LPCAT4: variants seen among roughly 807,000 people sequenced by gnomAD.
LPCAT4 encodes lysophosphatidylcholine acyltransferase 4.
LPCAT4 carries 30 observed loss-of-function variants against 66.5 expected under a neutral mutation model. The observed-to-expected ratio is 0.45, with a 90% CI of 0.34 to 0.61. The LOEUF is 0.61. Ranked by LOEUF, LPCAT4 falls within the 20% of genes least tolerant of loss-of-function variation. The pLI is 0.01. For synonymous variants in LPCAT4, 253 were observed against 262.1 expected (o/e 0.97, Z 0.34); for missense variants, 557 against 656.7 (o/e 0.85, Z 1.66).
At chr15:34,362,375 A>AG (rs2140167271) in intron 9 of LPCAT4, 54 bp from the exon 10 acceptor site, 1 of 1,609,612 alleles carries the variant, frequency 6.2e-7, no homozygotes, top group East Asian at 2.2e-5. Flanking sequence ...GAAACTTCTG[A>AG]GGGTTGGTTC....
At chr15:34,365,359 TC>T in intron 2 of LPCAT4, 131 bp from the exon 3 acceptor site, 1 of 1,186,458 alleles carries the variant, frequency 8.4e-7, no homozygotes, top group African/African-American at 1.5e-5. Flanking sequence ...GGCCAAGGTC[TC>T]TGGCCACTTT....
In LPCAT4 at chr15:34,363,939, G is replaced by A; in HGVS notation, c.652+74C>T. 2 of 1,499,164 alleles carry A rather than the reference G, an allele frequency of 1.3e-6. No individual in the cohort carries two copies. The highest frequency in any genetic ancestry group is 2.3e-5 in the East Asian group (1 of 43,804). The allele number at this position is 1,499,164 out of a possible 1,614,324, so 92.9% of individuals were successfully genotyped here. A position where few individuals can be genotyped will look rare whatever the true frequency, so the allele number is the denominator to read the frequency against. On this transcript the variant is annotated intron_variant, in intron 5 of 13. Coordinates refer to ENST00000314891, the MANE Select transcript of LPCAT4 (RefSeq NM_153613.3). The surrounding 1 kb of genome is among the most constrained non-coding windows in gnomAD (Gnocchi z 4.3). ...TCCCTCCCCCTCTTCTACTTCTTGG[G>A]TTATTTCAGAGTCCCTCCCCAAATC...
At position 34,359,106 on chromosome 15, in the gene LPCAT4, G is replaced by C. The variant is rs760943412; in HGVS notation, c.*21C>G. The C allele has an allele frequency of 6.3e-7, 1 of 1,591,756 alleles. No individual in the cohort carries two copies. Among genetic ancestry groups the C allele is most frequent in the Non-Finnish European group, 8.5e-7 (1 of 1,169,634 alleles). On this transcript the variant is annotated 3_prime_UTR_variant, in exon 14 of 14. Transcript: ENST00000314891. Reference sequence around the variant, plus strand: ...GCCCCTAGCGCTGCCCTGAGGAGGAGGGGGTGAGAGGCTGAGGCACTCAGT... The same window carrying C: ...GCCCCTAGCGCTGCCCTGAGGAGGACGGGGTGAGAGGCTGAGGCACTCAGT...
At chr15:34,362,911 C>G (rs1890982491) in intron 7 of LPCAT4, 75 bp from the exon 8 acceptor site, 7 of 1,440,542 alleles carry the variant, frequency 4.9e-6, no homozygotes, top group Non-Finnish European at 6.8e-6. Flanking sequence ...ACCCCACTCC[C>G]CTTCCCCAAC....
rs1466596347 is a variant in LPCAT4, at chr15:34,362,255, C to G, written c.951G>C (p.Arg317=). 3 of 1,614,064 alleles carry G rather than the reference C, an allele frequency of 1.9e-6. No individual in the cohort carries two copies. Among genetic ancestry groups the G allele is most frequent in the Admixed American group, 3.3e-5 (2 of 60,004 alleles). The stretch of plus-strand genomic sequence containing the variant: ...GCTGTGGTTCCAACGCCACCTTCAG[C>G]CGGCCCACCACAATCACAGGTAAGC... ...VGSLPVIVVG[R]LKVALEPQLW... Residue 317 remains arginine (R), a synonymous_variant, in exon 10 of 14, where the codon CGG becomes CGC. Coordinates refer to ENST00000314891, the MANE Select transcript of LPCAT4 (RefSeq NM_153613.3).
Position 34,359,641 on chromosome 15 carries a change from T to A in LPCAT4, c.1347A>T (p.Thr449=). The A allele has an allele frequency of 6.2e-7, 1 of 1,613,544 alleles. No homozygotes were observed. The part of the protein sequence containing the change: ...LLLGSPHPAA[T]ALHAELCQAG... ...CCTGGCACAGCTCAGCATGCAAAGC[T>A]GTGGCAGCAGGGTGGGGTGAACCCA... Residue 449 remains threonine (T), a synonymous_variant, in exon 13 of 14, where the codon ACA becomes ACT. Coordinates refer to ENST00000314891, the MANE Select transcript of LPCAT4 (RefSeq NM_153613.3).
Position 34,359,012 on chromosome 15 carries a change from A to C in LPCAT4, c.*115T>G. Reference sequence around the variant, plus strand: ...AAACAAAAAATTAAAATCAACTTAAAAAAACAACAACCAAACAACAATAAC... The same window carrying C: ...AAACAAAAAATTAAAATCAACTTAACAAAACAACAACCAAACAACAATAAC... On this transcript the variant is annotated 3_prime_UTR_variant, in exon 14 of 14. Transcript: ENST00000314891. The C allele has an allele frequency of 1.2e-6, 1 of 864,368 alleles. No homozygotes were observed. The highest frequency in any genetic ancestry group is 1.6e-6 in the Non-Finnish European group (1 of 623,036). 53.5% of individuals were successfully genotyped at this position (864,368 alleles called of 1,614,324 possible).
Position 34,365,667 on chromosome 15 carries a change from C to G in LPCAT4, c.149G>C (p.Arg50Pro). ...GAGGACGATAAAGGCCAGAAGCACT[C>G]GGATGGGGGCCAGCAATGCCCCCAG... ...CLLGALLAPI[R>P]VLLAFIVLFL... Residue 50 changes from arginine to proline, a missense_variant, in exon 2 of 14, where the codon CGA becomes CCA. By Grantham distance (103) the Arg-to-Pro change is moderately radical (BLOSUM62 -2). This residue lies in a region of LPCAT4 where 94 missense variants were observed against 71.5 expected (regional missense o/e 1.32). Transcript: ENST00000314891. 3 of 1,614,018 alleles carry G rather than the reference C, an allele frequency of 1.9e-6. No homozygotes were observed. The highest frequency in any genetic ancestry group is 2.5e-6 in the Non-Finnish European group (3 of 1,179,998).
Position 34,363,903 on chromosome 15 carries a change from T to C in LPCAT4, c.652+110A>G, listed in dbSNP as rs1390196398. 7.5e-7 allele frequency: 1 copy of C among 1,341,894 alleles called. No homozygotes were observed. The highest frequency in any genetic ancestry group is 2.3e-5 in the East Asian group (1 of 43,102). 83.1% of individuals were successfully genotyped at this position (1,341,894 alleles called of 1,614,324 possible). On this transcript the variant is annotated intron_variant, in intron 5 of 13. Coordinates refer to ENST00000314891, the MANE Select transcript of LPCAT4 (RefSeq NM_153613.3). The surrounding 1 kb of genome is among the most constrained non-coding windows in gnomAD (Gnocchi z 4.3). The stretch of plus-strand genomic sequence containing the variant: ...TTAGCTAGGAGGTTCCTGGTCTCCC[T>C]TCCTCTCCCATCCCTCCCCCTCTTC...
At position 34,362,582 on chromosome 15, in the gene LPCAT4, A is replaced by G; in HGVS notation, c.875T>C (p.Val292Ala). 6.4e-7 allele frequency: 1 copy of G among 1,554,420 alleles called. No individual in the cohort carries two copies. Among genetic ancestry groups the G allele is most frequent in the Non-Finnish European group, 8.7e-7 (1 of 1,149,742 alleles). ...PTLYANNVQR[V>A]MAQALGIPAT... ...TTTGTGGGGCACTCACTGTGCCATG[A>G]CCCTCTGAACATTGTTGGCATAGAG... Residue 292 changes from valine (V) to alanine (A), a missense_variant, in exon 9 of 14, where the codon GTC becomes GCC. By Grantham distance (64) the Val-to-Ala change is moderately conservative. Around this residue, in one of 4 missense-constraint regions of LPCAT4, gnomAD observed 392 missense variants for 473.9 expected, o/e 0.83. Transcript: ENST00000314891.
In LPCAT4 at chr15:34,363,850, T is replaced by G. The variant is rs73376060; in HGVS notation, c.653-131A>C. The G allele has an allele frequency of 1.8e-3, 2,446 of 1,348,458 alleles. 38 individuals carry two copies. In the African/African-American group the frequency reaches 0.03, roughly 17 times the overall value. 83.5% of individuals were successfully genotyped at this position (1,348,458 alleles called of 1,614,324 possible). ...GGTTTTGTTCCACTCATTGATAATTTTCTCTCTGACTCCTCGACTTGACAG... is the reference window on the plus strand; with the variant it reads ...GGTTTTGTTCCACTCATTGATAATTGTCTCTCTGACTCCTCGACTTGACAG... On this transcript the variant is annotated intron_variant, in intron 5 of 13. Coordinates refer to ENST00000314891, the MANE Select transcript of LPCAT4 (RefSeq NM_153613.3). The surrounding 1 kb of genome is among the most constrained non-coding windows in gnomAD (Gnocchi z 4.3).
In LPCAT4 at chr15:34,362,212, CT is replaced by C; in HGVS notation, c.993del (p.Val332CysfsTer23). 1 of 1,613,992 alleles carries C rather than the reference CT, an allele frequency of 6.2e-7. No individual in the cohort carries two copies. The highest frequency in any genetic ancestry group is 8.5e-7 in the Non-Finnish European group (1 of 1,180,006). Reference sequence around the variant, plus strand: ...ACCACTTACCCAGCCTTCCGAAGCACTTTTCCCAGTTCCCAGAGCTGTGGTT... The same window carrying C: ...ACCACTTACCCAGCCTTCCGAAGCACTTTCCCAGTTCCCAGAGCTGTGGTT... ...ALEPQLWELG[K>X]VLRKAGLSAG... On this transcript the variant is annotated frameshift_variant, in exon 10 of 14. Coordinates refer to ENST00000314891, the MANE Select transcript of LPCAT4 (RefSeq NM_153613.3). LOFTEE classifies it high-confidence loss of function.
chr15:34,366,442 T>C (rs1891077786), intron 1 of LPCAT4, among the ~76,000 whole-genome samples: 1 of 152,086 alleles, frequency 6.6e-6, no homozygotes, highest in African/African-American at 2.4e-5. Context: ...CCACTTCCTG[T>C]AGCCAACCTC....
At position 34,363,660 on chromosome 15, in the gene LPCAT4, C is replaced by G. The variant is rs1439972405; in HGVS notation, c.711+1G>C. 4 of 1,614,166 alleles carry G rather than the reference C, an allele frequency of 2.5e-6. No homozygotes were observed. The highest frequency in any genetic ancestry group is 2.5e-6 in the Non-Finnish European group (3 of 1,180,018). On this transcript the variant is annotated splice_donor_variant, in intron 6 of 13. Transcript: ENST00000314891. LOFTEE classifies it high-confidence loss of function. This position sits in a 1 kb window ranked among gnomAD's most constrained non-coding sequence, Gnocchi z 4.3. ...CCACTCTTTCTTGGACTAAGACTCA[C>G]CAGACTGTTGGGGTAGCGGATGAGG...
chr15:34,364,234 T>G lies in LPCAT4; in HGVS notation c.551A>C (p.Glu184Ala). Residue 184 changes from glutamate (E) to alanine (A), a missense_variant, in exon 4 of 14, where the codon GAG (glutamate) becomes GCG (alanine). Physicochemically the swap from Glu to Ala is moderately radical, Grantham distance 107. Around this residue, in one of 4 missense-constraint regions of LPCAT4, gnomAD observed 392 missense variants for 473.9 expected, o/e 0.83. Coordinates refer to ENST00000314891, the MANE Select transcript of LPCAT4 (RefSeq NM_153613.3). Reference protein sequence around the residue: ...DPASRRRVVEEVRRRATSGGK... With the variant: ...DPASRRRVVEAVRRRATSGGK... The stretch of plus-strand genomic sequence containing the variant: ...TCCTGAGGTGGCCCGCCTTCGGACC[T>G]CCTCCACCACTCTGCGTCGAGAAGC... 1 of 1,613,838 alleles carries G rather than the reference T, an allele frequency of 6.2e-7. No homozygotes were observed. Among genetic ancestry groups the G allele is most frequent in the Non-Finnish European group, 8.5e-7 (1 of 1,179,784 alleles).
At chr15:34,359,561 G>A (rs750252622) in intron 13 of LPCAT4, 28 bp downstream of exon 13, 53 of 1,604,990 alleles carry the variant, frequency 3.3e-5, no homozygotes, top group Middle Eastern at 2.2e-4. Flanking sequence ...CCAAGTGCCC[G>A]TGTGGGGCTG....
intron 11 of LPCAT4, 57 bp downstream of exon 11, chr15:34,361,343 A>G: frequency 6.2e-7 from 1 of 1,607,996 alleles, no homozygotes; most frequent in Middle Eastern, 1.7e-4. Flanking sequence ...CACTAGGAAC[A>G]TGTCAGCCTG....
rs148649438 is a variant in LPCAT4 at position 34,365,156 on chromosome 15, G to A, written c.330C>T (p.Arg110=). 22 of 1,614,174 alleles carry A rather than the reference G, an allele frequency of 1.4e-5. No homozygotes were observed. In the East Asian group the frequency reaches 2.9e-4, roughly 21 times the overall value. ...GGCGAGAGGCTCGCTGGCCACGAAC[G>A]CGAATCCGGAGGAAGCCCAGCAGGA... ...LFFLLGFLRI[R]VRGQRASRLQ... Residue 110 remains arginine, a synonymous_variant, in exon 3 of 14, where the codon CGC becomes CGT. Coordinates refer to ENST00000314891, the MANE Select transcript of LPCAT4 (RefSeq NM_153613.3).
Position 34,365,362 on chromosome 15 carries a change from G to C in LPCAT4, c.258-134C>G, listed in dbSNP as rs923237150. On this transcript the variant is annotated intron_variant, in intron 2 of 13. Transcript: ENST00000314891. ...ATGTGACCAAGGGGCCAAGGTCTCT[G>C]GCCACTTTGGGACCTATCAGGGCAC... 2.0e-5 allele frequency: 23 copies of C among 1,172,388 alleles called. No homozygotes were observed. In the African/African-American group the frequency reaches 3.4e-4, roughly 17 times the overall value. The allele number at this position is 1,172,388 out of a possible 1,614,324, so 72.6% of individuals were successfully genotyped here. A position where few individuals can be genotyped will look rare whatever the true frequency, so the allele number is the denominator to read the frequency against.
Sources: allele counts gnomAD v4.1 joint callset (sites outside exome capture counted in the v4.1 genomes callset), GRCh38; gene constraint gnomAD v4.1.1; regional missense constraint gnomAD v4.1.1; non-coding constraint Gnocchi (gnomAD v3.1); transcripts MANE v1.5; gene names NCBI Gene and HGNC (gene_info 2026-07-23, HGNC 2026-07-21).